The following WDPCP variants were observed in gnomAD, a reference collection of about 807,000 sequenced individuals.
WDPCP encodes WD repeat-containing and planar cell polarity effector protein fritz homolog.
WDPCP carries 71 observed loss-of-function variants against 93.1 expected under a neutral mutation model. That is an observed-to-expected ratio of 0.76 (90% CI 0.63 to 0.93). The LOEUF (loss-of-function observed/expected upper bound fraction) is 0.93, where lower values mean the gene tolerates loss of function less well. WDPCP is among the 40% of genes least tolerant of loss of function. WDPCP has a pLI of 0.00. For synonymous variants in WDPCP, 315 were observed against 315.0 expected, an observed-to-expected ratio of 1.00 and a Z score of 0.00; for missense variants, 844 against 887.4, an observed-to-expected ratio of 0.95 and a Z score of 0.62.
intron 3 of WDPCP, chr2:63,604,901 A>G: frequency 1.2e-6 from 2 of 1,609,728 alleles, no homozygotes; most frequent in Non-Finnish European, 1.7e-6. Flanking sequence ...CCTTCTTAAC[A>G]CTGAGCGTAA....
intron 12 of WDPCP, among the ~76,000 whole-genome samples, chr2:63,371,432 A>G (rs550947690): frequency 6.6e-6 from 1 of 152,178 alleles, no homozygotes; most frequent in East Asian, 1.9e-4. Flanking sequence ...TTCACTAGGT[A>G]GTTTCAAATC....
At chr2:63,563,795 A>G (rs887521689) in intron 1 of WDPCP, among the ~76,000 whole-genome samples, 1 of 152,150 alleles carries the variant, frequency 6.6e-6, no homozygotes, top group Non-Finnish European at 1.5e-5. Flanking sequence ...CCACACAGCA[A>G]GAAGGACTTC....
chr2:63,562,328 A>G (rs548900153), intron 1 of WDPCP, among the ~76,000 whole-genome samples: 15 of 152,240 alleles, frequency 9.9e-5, no homozygotes, highest in Non-Finnish European at 1.9e-4. Context: ...ATGAGAACAC[A>G]TGGACACAGG....
intron 2 of WDPCP, among the ~76,000 whole-genome samples, chr2:63,763,678 T>C (rs886828999): frequency 1.1e-4 from 16 of 152,134 alleles, no homozygotes; most frequent in Non-Finnish European, 2.1e-4. Context: ...AGTGTTTTGA[T>C]TAGTGAAATT....
intron 14 of WDPCP, among the ~76,000 whole-genome samples, chr2:63,256,922 C>T (rs1291633249): frequency 2.0e-5 from 3 of 152,114 alleles, no homozygotes; most frequent in African/African-American, 7.2e-5. Context: ...GAGATTATAG[C>T]ATCTTGAAGT....
intron 8 of WDPCP, 116 bp from the exon 9 acceptor site, chr2:63,434,052 T>C (rs1696963901): frequency 2.9e-6 from 3 of 1,030,622 alleles, no homozygotes; most frequent in Non-Finnish European, 4.3e-6. Flanking sequence ...AATATGCATG[T>C]TAAACATGTG....
chr2:63,776,066 A>C (rs941825631), intron 2 of WDPCP, among the ~76,000 whole-genome samples: 2 of 147,154 alleles, frequency 1.4e-5, no homozygotes, highest in African/African-American at 4.9e-5. Context: ...TCTGCCTATA[A>C]ATACACATAT....
chr2:63,344,508 C>T (rs770383787), intron 12 of WDPCP, among the ~76,000 whole-genome samples: 4 of 152,154 alleles, frequency 2.6e-5, no homozygotes, highest in Non-Finnish European at 5.9e-5. Flanking sequence ...CAGCTCTGGG[C>T]ATGGTGTTGT....
intron 14 of WDPCP, among the ~76,000 whole-genome samples, chr2:63,193,265 T>A (rs1309532891): frequency 1.3e-5 from 2 of 152,142 alleles, no homozygotes; most frequent in African/African-American, 4.8e-5. Context: ...TGTTTTTTAT[T>A]TTTTTCCAAA....
intron 14 of WDPCP, among the ~76,000 whole-genome samples, chr2:63,207,314 G>A (rs943657007): frequency 2.6e-5 from 4 of 152,056 alleles, no homozygotes; most frequent in African/African-American, 4.8e-5. Context: ...GGTTGTTTCT[G>A]TAGCACCTCC....
intron 9 of WDPCP, among the ~76,000 whole-genome samples, chr2:63,419,074 TA>T (rs1314763268): frequency 2.0e-5 from 3 of 152,216 alleles, no homozygotes. Context: ...AAAGAGTCCC[TA>T]AAAGTCCTGG....
At chr2:63,127,679 A>G (rs1670012230) in intron 17 of WDPCP, among the ~76,000 whole-genome samples, 1 of 147,572 alleles carries the variant, frequency 6.8e-6, no homozygotes, top group African/African-American at 2.5e-5. Flanking sequence ...ATATATATAT[A>G]TATATATATA....
rs1022164905 is a variant in WDPCP, at chr2:63,266,834, A to G, written c.1813-7425T>C. 4.6e-5 allele frequency among the ~76,000 whole-genome samples: 7 copies of G among 152,140 alleles called. No individual in the cohort carries two copies. The East Asian group carries it at 5.8e-4, about 13-fold the overall frequency. On this transcript the variant is annotated intron_variant, in intron 13 of 17. Transcript: ENST00000272321. The stretch of plus-strand genomic sequence containing the variant: ...CAATCAATCAATCAATAAAATTAAA[A>G]AATAAATAAATGGAAAGATATCCCA...
chr2:63,338,487 G>GGTTGCA (rs1324334286), intron 12 of WDPCP, among the ~76,000 whole-genome samples: 1 of 148,954 alleles, frequency 6.7e-6, no homozygotes, highest in Non-Finnish European at 1.5e-5. Flanking sequence ...AGGAGGTGGA[G>GGTTGCA]GTTGCAGTTA....
At chr2:63,786,834 GA>G (rs963711675) in intron 2 of WDPCP, among the ~76,000 whole-genome samples, 2 of 152,060 alleles carry the variant, frequency 1.3e-5, no homozygotes, top group African/African-American at 2.4e-5. Flanking sequence ...TGAGCACACA[GA>G]AAAAAAATCA....
At chr2:63,782,740 ATG>A (rs70965143) in intron 2 of WDPCP, among the ~76,000 whole-genome samples, 23,066 of 141,164 alleles carry the variant, frequency 0.16, 1,739 homozygotes, top group Admixed American at 0.23. Flanking sequence ...CACAGGCAAC[ATG>A]TGTGTGTGTG....
At chr2:63,185,327 T>C (rs1197428343) in intron 14 of WDPCP, among the ~76,000 whole-genome samples, 4 of 152,322 alleles carry the variant, frequency 2.6e-5, no homozygotes, top group African/African-American at 9.6e-5. Flanking sequence ...ATTATGCAGA[T>C]TTTTTCTCAT....
chr2:63,793,180 G>C (rs1049366000), intron 2 of WDPCP, among the ~76,000 whole-genome samples: 1 of 151,944 alleles, frequency 6.6e-6, no homozygotes, highest in Admixed American at 6.6e-5. Context: ...TCTATTTGCA[G>C]GCACATTTAT....
chr2:63,751,637 C>T, intron 2 of WDPCP: 1 of 482,908 alleles, frequency 2.1e-6, no homozygotes, highest in South Asian at 1.6e-5. Flanking sequence ...TCTGTAGCTT[C>T]CATGTCCCTT....
Sources: gnomAD v4.1 joint callset for allele counts (sites outside exome capture counted in the v4.1 genomes callset) on GRCh38, gnomAD v4.1.1 for gene constraint, MANE v1.5 for transcripts, NCBI Gene and HGNC (gene_info 2026-07-23, HGNC 2026-07-21) for gene names.